Variants in ABLIM2 observed in about 807,000 individuals in gnomAD.
ABLIM2 encodes the protein actin binding LIM protein family member 2, also known as actin-binding LIM protein 2.
Under a neutral mutation model 97.7 loss-of-function variants are expected in ABLIM2, and 53 were observed. That is an observed-to-expected ratio of 0.54 (90% confidence interval 0.44 to 0.68). The LOEUF (loss-of-function observed/expected upper bound fraction) is 0.68. ABLIM2 is among the 30% of genes least tolerant of loss of function. The pLI is 0.00. For synonymous variants in ABLIM2, 361 were observed against 345.8 expected, an observed-to-expected ratio of 1.04 and a Z score of -0.49; for missense variants, 835 against 867.2, an observed-to-expected ratio of 0.96 and a Z score of 0.47.
intron 4 of ABLIM2, among the ~76,000 whole-genome samples, chr4:8,081,343 GT>G (rs1819692995): frequency 6.6e-6 from 1 of 152,248 alleles, no homozygotes; most frequent in African/African-American, 2.4e-5. Flanking sequence ...TGGCCTCCTG[GT>G]GCCCTCTCTG....
rs946616109 is a variant in ABLIM2, at chr4:8,070,239, T to C, written c.675+7389A>G. On this transcript the variant is annotated intron_variant, in intron 6 of 20. Coordinates refer to ENST00000447017, the MANE Select transcript of ABLIM2 (RefSeq NM_001130083.2). ...CCGCGTGTGTCTGTGTTTTGTCCTGTGTCTCTGTGTCCACGTGTGTTGTCT... is the reference window on the plus strand; with the variant it reads ...CCGCGTGTGTCTGTGTTTTGTCCTGCGTCTCTGTGTCCACGTGTGTTGTCT... Among the ~76,000 whole-genome samples the C allele has an allele frequency of 2.0e-5, 3 of 151,336 alleles. No homozygotes were observed. In the East Asian group the frequency reaches 5.8e-4, roughly 29 times the overall value.
At chr4:8,081,070 C>G (rs936252000) in intron 4 of ABLIM2, among the ~76,000 whole-genome samples, 5 of 152,130 alleles carry the variant, frequency 3.3e-5, no homozygotes, top group African/African-American at 1.2e-4. Context: ...GATGAAGAAA[C>G]AGAGGTCCTG....
In ABLIM2 at chr4:8,046,127, T is replaced by C. The variant is rs766095271; in HGVS notation, c.823-886A>G. On this transcript the variant is annotated intron_variant, in intron 8 of 20. Transcript: ENST00000447017. This position sits in a 1 kb window ranked among gnomAD's most constrained non-coding sequence, Gnocchi z 4.4. ...TTGCTGCTGTCACGCCTGGGACCTG[T>C]GTCCTCCTTACATGCTCGCTGCTGT... 2.0e-5 allele frequency among the ~76,000 whole-genome samples: 3 copies of C among 152,178 alleles called. No homozygotes were observed. The highest frequency in any genetic ancestry group is 4.4e-5 in the Non-Finnish European group (3 of 68,022).
intron 20 of ABLIM2, among the ~76,000 whole-genome samples, chr4:7,980,943 T>TTTTTTTTTTTTTTTTTA (rs1737781448): frequency 2.8e-5 from 1 of 35,186 alleles, no homozygotes; most frequent in East Asian, 3.7e-4. Flanking sequence ...AACCCCTTAT[T>TTTTTTTTTTTTTTTTTA]TTTTTTTTTT....
intron 1 of ABLIM2, among the ~76,000 whole-genome samples, chr4:8,131,228 A>G (rs6852129): frequency 0.34 from 52,096 of 152,108 alleles, 10,863 homozygotes; most frequent in African/African-American, 0.59. Context: ...TTTCTCAGCC[A>G]ACCACATGCA....
rs1758348201 is a variant in ABLIM2, at chr4:8,003,081, C to G, written c.1618+4978G>C. On this transcript the variant is annotated intron_variant, in intron 16 of 20. Coordinates refer to ENST00000447017, the MANE Select transcript of ABLIM2 (RefSeq NM_001130083.2). This position sits in a 1 kb window ranked among gnomAD's most constrained non-coding sequence, Gnocchi z 4.2. ...TTTGGCCTCTGCTCTGTCCCCAGCA[C>G]CCAGGACAGCACCGGAACACACCAA... Among the ~76,000 whole-genome samples the G allele has an allele frequency of 6.6e-6, 1 of 152,206 alleles. No homozygotes were observed. The highest frequency in any genetic ancestry group is 2.4e-5 in the African/African-American group (1 of 41,456).
intron 1 of ABLIM2, among the ~76,000 whole-genome samples, chr4:8,126,958 C>T (rs549326700): frequency 4.0e-5 from 6 of 151,830 alleles, no homozygotes; most frequent in South Asian, 2.1e-4. Flanking sequence ...TTCAGCTACC[C>T]GGGAGGCTGA....
rs1372335378 is a variant in ABLIM2 at position 8,123,710 on chromosome 4, G to A, written c.11-17073C>T. Reference sequence around the variant, plus strand: ...CGTCATCCTTGTACTGACAGGGTCCGGCTCACACACCAAAGCCTGTGGGTC... The same window carrying A: ...CGTCATCCTTGTACTGACAGGGTCCAGCTCACACACCAAAGCCTGTGGGTC... On this transcript the variant is annotated intron_variant, in intron 1 of 20. Transcript: ENST00000447017. The surrounding 1 kb of genome is among the most constrained non-coding windows in gnomAD (Gnocchi z 6.2). Among the ~76,000 whole-genome samples, 4 of 152,236 alleles carry A rather than the reference G, an allele frequency of 2.6e-5. No homozygotes were observed. Among genetic ancestry groups the A allele is most frequent in the Admixed American group, 1.3e-4 (2 of 15,296 alleles).
intron 1 of ABLIM2, among the ~76,000 whole-genome samples, chr4:8,135,871 A>G (rs73218483): frequency 6.6e-6 from 1 of 152,226 alleles, no homozygotes; most frequent in Non-Finnish European, 1.5e-5. Flanking sequence ...TGAAGAGCCA[A>G]CGTGGTGAAG....
At chr4:8,041,171 C>G (rs989984660) in intron 9 of ABLIM2, among the ~76,000 whole-genome samples, 1 of 152,246 alleles carries the variant, frequency 6.6e-6, no homozygotes, top group Non-Finnish European at 1.5e-5. Context: ...GCATGCCCCA[C>G]TGGTGCAGAA....
intron 1 of ABLIM2, among the ~76,000 whole-genome samples, chr4:8,109,110 C>G (rs530612428): frequency 6.6e-6 from 1 of 152,228 alleles, no homozygotes; most frequent in African/African-American, 2.4e-5. Flanking sequence ...GGCACTGGCC[C>G]CCCACCGCCT....
chr4:8,023,173 G>A lies in ABLIM2; in HGVS notation c.1268-2870C>T, dbSNP rs572207528. The A allele has an allele frequency of 4.0e-4, 61 of 152,418 alleles. No individual in the cohort carries two copies. Among genetic ancestry groups the A allele is most frequent in the South Asian group, 3.1e-3 (15 of 4,826 alleles). The allele number at this position is 152,418 out of a possible 1,614,324, so 9.4% of individuals were successfully genotyped here. ...GGGCTCCCGCACCCTCCCGGCCCGCGTCCCTGCCGTCCCCTCTCCCATCAC... is the reference window on the plus strand; with the variant it reads ...GGGCTCCCGCACCCTCCCGGCCCGCATCCCTGCCGTCCCCTCTCCCATCAC... On this transcript the variant is annotated intron_variant, in intron 12 of 20. Transcript: ENST00000447017. The surrounding 1 kb of genome is among the most constrained non-coding windows in gnomAD (Gnocchi z 5.7).
chr4:8,151,161 C>T (rs1249329230), intron 1 of ABLIM2, among the ~76,000 whole-genome samples: 1 of 152,100 alleles, frequency 6.6e-6, no homozygotes, highest in Non-Finnish European at 1.5e-5. Flanking sequence ...GGCTGGAGCC[C>T]AGGTGTGCCC....
chr4:8,122,080 A>G lies in ABLIM2; in HGVS notation c.11-15443T>C, dbSNP rs1315182758. Among the ~76,000 whole-genome samples, 2 of 152,186 alleles carry G rather than the reference A, an allele frequency of 1.3e-5. No homozygotes were observed. The highest frequency in any genetic ancestry group is 2.9e-5 in the Non-Finnish European group (2 of 68,022). On this transcript the variant is annotated intron_variant, in intron 1 of 20. Transcript: ENST00000447017. The surrounding 1 kb of genome is among the most constrained non-coding windows in gnomAD (Gnocchi z 4.1). ...CATGTCCCCAGTGCAGGGACCTGGCAGGCTAGGGGACCTGACAATATGCCC... is the reference window on the plus strand; with the variant it reads ...CATGTCCCCAGTGCAGGGACCTGGCGGGCTAGGGGACCTGACAATATGCCC...
rs933322284 is a variant in ABLIM2 at position 8,071,982 on chromosome 4, C to T, written c.675+5646G>A. ...TGCCACCGCGGCGGCGGCAGCTCCC[C>T]TTCTGCGGAGCCAGGCTTGTCCCCG... On this transcript the variant is annotated intron_variant, in intron 6 of 20. Coordinates refer to ENST00000447017, the MANE Select transcript of ABLIM2 (RefSeq NM_001130083.2). This position sits in a 1 kb window ranked among gnomAD's most constrained non-coding sequence, Gnocchi z 6.2. 5.1e-6 allele frequency: 5 copies of T among 985,440 alleles called. No individual in the cohort carries two copies. The highest frequency in any genetic ancestry group is 1.2e-6 in the Non-Finnish European group (1 of 830,042). 61.0% of individuals were successfully genotyped at this position (985,440 alleles called of 1,614,324 possible).
rs541801712 is a variant in ABLIM2, at chr4:8,022,948, CTTCT to C, written c.1268-2649_1268-2646del. Reference sequence around the variant, plus strand: ...TTTTCCTCTTCCTCCTCCTCCTCCTCTTCTTTTTCCTCTTCCTCCTCTGCCTCCT... The same window carrying C: ...TTTTCCTCTTCCTCCTCCTCCTCCTCTTTTCCTCTTCCTCCTCTGCCTCCT... On this transcript the variant is annotated intron_variant, in intron 12 of 20. Transcript: ENST00000447017. This position sits in a 1 kb window ranked among gnomAD's most constrained non-coding sequence, Gnocchi z 7.8. 1.3e-3 allele frequency: 202 copies of C among 152,218 alleles called. No homozygotes were observed. Among genetic ancestry groups the C allele is most frequent in the African/African-American group, 4.5e-3 (175 of 38,644 alleles). The allele number at this position is 152,218 out of a possible 1,614,324, so 9.4% of individuals were successfully genotyped here. A position where few individuals can be genotyped will look rare whatever the true frequency, so the allele number is the denominator to read the frequency against.
intron 14 of ABLIM2, among the ~76,000 whole-genome samples, chr4:8,013,866 T>G (rs374084367): frequency 6.6e-6 from 1 of 152,320 alleles, no homozygotes; most frequent in Admixed American, 6.5e-5. Flanking sequence ...CAGCCTCAGG[T>G]GCACGGAGGA....
chr4:8,150,997 G>C lies in ABLIM2; in HGVS notation c.10+7683C>G, dbSNP rs902894361. On this transcript the variant is annotated intron_variant, in intron 1 of 20. Coordinates refer to ENST00000447017, the MANE Select transcript of ABLIM2 (RefSeq NM_001130083.2). The surrounding 1 kb of genome is among the most constrained non-coding windows in gnomAD (Gnocchi z 6.3). ...CTGCCCGTTCCCTGGTGCCTGCCGT[G>C]CCCAGGCCCTTGACTCTCACTCAGC... 6.6e-6 allele frequency among the ~76,000 whole-genome samples: 1 copy of C among 152,158 alleles called. No homozygotes were observed. Among genetic ancestry groups the C allele is most frequent in the Non-Finnish European group, 1.5e-5 (1 of 68,024 alleles).
chr4:8,114,796 C>T (rs1206683090), intron 1 of ABLIM2, among the ~76,000 whole-genome samples: 1 of 71,234 alleles, frequency 1.4e-5, no homozygotes, highest in Non-Finnish European at 3.5e-5. Context: ...GTTGGGCAGC[C>T]ACCGCCCCGT....
Sources: gnomAD v4.1 joint callset for allele counts (sites outside exome capture counted in the v4.1 genomes callset) on GRCh38, gnomAD v4.1.1 for gene constraint, Gnocchi (gnomAD v3.1) non-coding constraint, MANE v1.5 for transcripts, NCBI Gene and HGNC (gene_info 2026-07-23, HGNC 2026-07-21) for gene names.